The following RBFOX2 variants were observed in gnomAD, a reference collection of about 807,000 sequenced individuals.
RBFOX2 encodes the protein RNA binding fox-1 homolog 2.
RBFOX2 carries 10 observed loss-of-function variants against 49.1 expected under a neutral mutation model. That is an observed-to-expected ratio of 0.20 (90% CI 0.13 to 0.35). The LOEUF (loss-of-function observed/expected upper bound fraction) is 0.35. Among genes scored for constraint, RBFOX2 ranks in the 10% least tolerant of loss-of-function variants. The pLI is 1.00. For synonymous variants in RBFOX2, 183 were observed against 187.4 expected, an observed-to-expected ratio of 0.98 and a Z score of 0.19; for missense variants, 323 against 486.9, an observed-to-expected ratio of 0.66 and a Z score of 3.17.
Position 35,781,278 on chromosome 22 carries a change from T to C in RBFOX2, c.399+322A>G, listed in dbSNP as rs890941141. 2.6e-5 allele frequency among the ~76,000 whole-genome samples: 4 copies of C among 152,196 alleles called. No individual in the cohort carries two copies. The East Asian group carries it at 5.8e-4, about 22-fold the overall frequency. The stretch of plus-strand genomic sequence containing the variant: ...CTTGCAGATGAAACTAAGCATATTA[T>C]TGGTATGTTTACTGAGTTTGGTAGG... On this transcript the variant is annotated intron_variant, in intron 3 of 11. Coordinates refer to ENST00000405409, the Ensembl canonical transcript of RBFOX2.
At chr22:35,866,967 T>G (rs2043760627) in intron 1 of RBFOX2, among the ~76,000 whole-genome samples, 1 of 152,186 alleles carries the variant, frequency 6.6e-6, no homozygotes, top group African/African-American at 2.4e-5. Context: ...GTATCTACGT[T>G]CAATGTCTTG....
chr22:35,804,963 T>A (rs1237614507), intron 2 of RBFOX2, among the ~76,000 whole-genome samples: 2 of 151,980 alleles, frequency 1.3e-5, no homozygotes, highest in African/African-American at 4.8e-5. Flanking sequence ...TTCTAAAATC[T>A]AATAATAAGA....
intron 1 of RBFOX2, among the ~76,000 whole-genome samples, chr22:35,989,500 G>A (rs139698536): frequency 1.9e-4 from 29 of 152,254 alleles, no homozygotes; most frequent in Non-Finnish European, 3.8e-4. Context: ...TGTGGTTAAA[G>A]AGAAAACCAG....
In RBFOX2 at chr22:35,777,867, T is replaced by C. The variant is rs180699454; in HGVS notation, c.453+158A>G. On this transcript the variant is annotated intron_variant, in intron 4 of 11. Coordinates refer to ENST00000405409, the Ensembl canonical transcript of RBFOX2. ...AGTATCAGAATAAAGTTTGGCCATG[T>C]GGTAGCTTATTTTTAGAGATAATCT... 1.0e-4 allele frequency: 73 copies of C among 705,088 alleles called. No homozygotes were observed. In the African/African-American group the frequency reaches 1.2e-3, roughly 11 times the overall value. 43.7% of individuals were successfully genotyped at this position (705,088 alleles called of 1,614,324 possible).
chr22:35,859,200 T>C (rs576537428), intron 1 of RBFOX2, among the ~76,000 whole-genome samples: 1 of 152,224 alleles, frequency 6.6e-6, no homozygotes, highest in East Asian at 1.9e-4. Flanking sequence ...TTTCTCAGGG[T>C]GAAGAAAACC....
intron 9 of RBFOX2, chr22:35,750,577 G>C: frequency 1.5e-6 from 1 of 653,220 alleles, no homozygotes; most frequent in Non-Finnish European, 2.8e-6. Flanking sequence ...AATTTGGCTT[G>C]GCTAAGCTTG....
chr22:35,856,550 A>C (rs2042529153), intron 1 of RBFOX2, among the ~76,000 whole-genome samples: 2 of 151,934 alleles, frequency 1.3e-5, no homozygotes, highest in South Asian at 4.2e-4. Flanking sequence ...AGAAGGTTCC[A>C]AAGATTCTAT....
intron 9 of RBFOX2, among the ~76,000 whole-genome samples, chr22:35,750,664 C>A (rs1185829369): frequency 2.0e-5 from 3 of 152,186 alleles, no homozygotes; most frequent in African/African-American, 7.2e-5. Context: ...TACCTGGTGT[C>A]CCCAGTGGGG....
At chr22:35,955,554 G>C (rs1480779856) in intron 1 of RBFOX2, among the ~76,000 whole-genome samples, 1 of 144,662 alleles carries the variant, frequency 6.9e-6, no homozygotes, top group African/African-American at 2.5e-5. Context: ...GGGGGGTGGG[G>C]TAGGGTGGGG....
chr22:35,976,633 C>T (rs2057168886), intron 1 of RBFOX2, among the ~76,000 whole-genome samples: 1 of 152,068 alleles, frequency 6.6e-6, no homozygotes, highest in South Asian at 2.1e-4. Context: ...GGATTTGCTA[C>T]ATATATAAAG....
At chr22:35,990,364 A>G (rs2057923323) in intron 1 of RBFOX2, among the ~76,000 whole-genome samples, 1 of 152,194 alleles carries the variant, frequency 6.6e-6, no homozygotes, top group Non-Finnish European at 1.5e-5. Flanking sequence ...GAGAAGGACG[A>G]CAAAGTCGAA....
intron 3 of RBFOX2, among the ~76,000 whole-genome samples, chr22:35,778,554 T>C (rs1426334932): frequency 2.6e-5 from 4 of 152,172 alleles, no homozygotes; most frequent in Non-Finnish European, 5.9e-5. Flanking sequence ...CCTATCATCG[T>C]AATGCTTTAG....
At chr22:36,007,884 C>A (rs566913720) in intron 1 of RBFOX2, among the ~76,000 whole-genome samples, 1 of 152,228 alleles carries the variant, frequency 6.6e-6, no homozygotes, top group South Asian at 2.1e-4. Flanking sequence ...TATGAATGTA[C>A]CTTTTTTTTT....
chr22:35,832,095 T>C (rs1243958204), intron 1 of RBFOX2, among the ~76,000 whole-genome samples: 1 of 152,218 alleles, frequency 6.6e-6, no homozygotes. Flanking sequence ...AAGCCAGTTG[T>C]ATGCGATGGC....
chr22:35,820,143 CTTACAGCCACTGCAGGGAGGTTAGCTT>C (rs1954135030), intron 1 of RBFOX2, among the ~76,000 whole-genome samples: 1 of 152,112 alleles, frequency 6.6e-6, no homozygotes, highest in African/African-American at 2.4e-5. Flanking sequence ...TCCTGTAAAG[CTTACAGCCACTGCAGGGAGGTTAGCTT>C]TTACACTCCA....
intron 5 of RBFOX2, among the ~76,000 whole-genome samples, chr22:35,767,208 A>T (rs936021104): frequency 6.6e-6 from 1 of 152,204 alleles, no homozygotes; most frequent in African/African-American, 2.4e-5. Context: ...ACTCAACAGC[A>T]TTGAAAATAA....
At chr22:35,819,104 T>C (rs1400694825) in intron 1 of RBFOX2, among the ~76,000 whole-genome samples, 1 of 152,180 alleles carries the variant, frequency 6.6e-6, no homozygotes, top group Non-Finnish European at 1.5e-5. Context: ...CATAAACGTC[T>C]TCATCATAGC....
At chr22:35,916,479 G>A (rs1433477608) in intron 1 of RBFOX2, among the ~76,000 whole-genome samples, 4 of 152,112 alleles carry the variant, frequency 2.6e-5, no homozygotes, top group Non-Finnish European at 5.9e-5. Context: ...ACAGGGTTTC[G>A]CCATGTTGTC....
intron 2 of RBFOX2, among the ~76,000 whole-genome samples, chr22:35,795,266 C>A (rs148427203): frequency 3.0e-4 from 46 of 152,236 alleles, no homozygotes; most frequent in African/African-American, 1.1e-3. Flanking sequence ...ATAAGAGCCA[C>A]TCTTGGAAAA....
Sources: allele counts gnomAD v4.1 joint callset (sites outside exome capture counted in the v4.1 genomes callset), GRCh38; gene constraint gnomAD v4.1.1; transcripts MANE v1.5; gene names NCBI Gene and HGNC (gene_info 2026-07-23, HGNC 2026-07-21).